The following LRRC4C variants were observed in gnomAD, a reference collection of about 807,000 sequenced individuals.
The protein encoded by LRRC4C is leucine rich repeat containing 4C.
A neutral mutation model predicts 33.6 loss-of-function variants in LRRC4C; 5 were observed. The observed-to-expected ratio is 0.15, with a 90% CI of 0.08 to 0.31. The LOEUF (loss-of-function observed/expected upper bound fraction) is 0.31, where lower values mean the gene tolerates loss of function less well. Among genes scored for constraint, LRRC4C ranks in the 10% least tolerant of loss-of-function variants. The pLI, the probability that LRRC4C is intolerant of heterozygous loss-of-function variation, is 1.00. For missense variants in LRRC4C, 560 were observed against 796.7 expected, an observed-to-expected ratio of 0.70 and a Z score of 3.58; for synonymous variants, 329 against 302.0, an observed-to-expected ratio of 1.09 and a Z score of -0.93.
intron 1 of LRRC4C, among the ~76,000 whole-genome samples, chr11:41,003,459 C>T (rs561590320): frequency 6.6e-6 from 1 of 152,204 alleles, no homozygotes; most frequent in Non-Finnish European, 1.5e-5. Flanking sequence ...ATGCTACATT[C>T]ACAGATACCT....
chr11:40,504,225 GATAA>G (rs1246690829), intron 3 of LRRC4C, among the ~76,000 whole-genome samples: 1 of 151,790 alleles, frequency 6.6e-6, no homozygotes, highest in African/African-American at 2.4e-5. Flanking sequence ...ACAATTAATG[GATAA>G]ATGAATGAAT....
chr11:40,574,480 G>A (rs1958104725), intron 3 of LRRC4C, among the ~76,000 whole-genome samples: 1 of 152,168 alleles, frequency 6.6e-6, no homozygotes, highest in African/African-American at 2.4e-5. Context: ...AGGGAGGGCA[G>A]AAATCAAGCC....
At position 40,314,169 on chromosome 11, in the gene LRRC4C, A is replaced by G. The variant is rs1945463666; in HGVS notation, c.-176+5459T>C. On this transcript the variant is annotated intron_variant, in intron 4 of 6. Coordinates refer to ENST00000528697, the MANE Select transcript of LRRC4C (RefSeq NM_001258419.2). ...AACATCCTGACAGCAAAAAATAAAA[A>G]ATAAATAAAAAACAGAAGACAAAAA... Among the ~76,000 whole-genome samples, 3 of 152,110 alleles carry G rather than the reference A, an allele frequency of 2.0e-5. No homozygotes were observed. In the South Asian group the frequency reaches 6.2e-4, roughly 31 times the overall value.
chr11:40,581,122 T>A (rs148694208), intron 3 of LRRC4C, among the ~76,000 whole-genome samples: 1 of 152,354 alleles, frequency 6.6e-6, no homozygotes, highest in Non-Finnish European at 1.5e-5. Flanking sequence ...ACCGTTATCT[T>A]TGGGGCATGA....
intron 1 of LRRC4C, among the ~76,000 whole-genome samples, chr11:41,116,476 G>A (rs528133423): frequency 6.6e-6 from 1 of 152,232 alleles, no homozygotes; most frequent in Admixed American, 6.5e-5. Flanking sequence ...CAGAGAAAGA[G>A]CAATTGAAGG....
chr11:40,184,452 T>C (rs1038990285), intron 5 of LRRC4C, among the ~76,000 whole-genome samples: 1 of 152,104 alleles, frequency 6.6e-6, no homozygotes, highest in African/African-American at 2.4e-5. Flanking sequence ...GGATTGATAA[T>C]AGAAGAAAAC....
At chr11:40,608,947 C>G (rs1591264515) in intron 3 of LRRC4C, among the ~76,000 whole-genome samples, 1 of 152,196 alleles carries the variant, frequency 6.6e-6, no homozygotes, top group East Asian at 1.9e-4. Context: ...ACGGAACTGA[C>G]AGGAGAAACA....
rs534713728 is a variant in LRRC4C, at chr11:40,991,307, C to A, written c.-495-57584G>T. Among the ~76,000 whole-genome samples the A allele has an allele frequency of 6.0e-5, 9 of 150,274 alleles. No individual in the cohort carries two copies. The South Asian group carries it at 1.7e-3, about 28-fold the overall frequency. ...TTTGTCAACATTTAAACCTGTATAA[C>A]TCAGTGAATCAATATTTTCCAAATG... On this transcript the variant is annotated intron_variant, in intron 1 of 6. Coordinates refer to ENST00000528697, the MANE Select transcript of LRRC4C (RefSeq NM_001258419.2).
chr11:40,610,645 T>C (rs1961122021), intron 3 of LRRC4C, among the ~76,000 whole-genome samples: 1 of 151,864 alleles, frequency 6.6e-6, no homozygotes, highest in Admixed American at 6.6e-5. Context: ...ACAAGACAAC[T>C]ATTAGAACTA....
intron 3 of LRRC4C, among the ~76,000 whole-genome samples, chr11:40,321,027 A>G (rs764048751): frequency 6.6e-6 from 1 of 152,208 alleles, no homozygotes; most frequent in Non-Finnish European, 1.5e-5. Flanking sequence ...TTTTATTTTT[A>G]ACTCAAAAGA....
intron 1 of LRRC4C, among the ~76,000 whole-genome samples, chr11:41,371,672 A>G (rs1952752256): frequency 6.6e-6 from 1 of 152,254 alleles, no homozygotes; most frequent in African/African-American, 2.4e-5. Context: ...TAAATTAAAA[A>G]GCATGTAGAG....
chr11:40,617,649 A>G (rs935844676), intron 3 of LRRC4C, among the ~76,000 whole-genome samples: 1 of 151,678 alleles, frequency 6.6e-6, no homozygotes, highest in African/African-American at 2.4e-5. Flanking sequence ...TGGAGAAATA[A>G]TTCCTTAAAT....
At chr11:41,275,729 T>C (rs1949463100) in intron 1 of LRRC4C, among the ~76,000 whole-genome samples, 1 of 152,210 alleles carries the variant, frequency 6.6e-6, no homozygotes, top group African/African-American at 2.4e-5. Context: ...GAATTGGGAA[T>C]GACATAGTCA....
chr11:41,030,508 AC>A (rs1856657168), intron 1 of LRRC4C, among the ~76,000 whole-genome samples: 1 of 151,744 alleles, frequency 6.6e-6, no homozygotes, highest in Non-Finnish European at 1.5e-5. Flanking sequence ...AACACCAGAG[AC>A]CTTGTGTAAA....
intron 3 of LRRC4C, among the ~76,000 whole-genome samples, chr11:40,602,474 C>T (rs867069080): frequency 1.3e-5 from 2 of 150,920 alleles, no homozygotes; most frequent in African/African-American, 4.9e-5. Context: ...TTTTTAGACA[C>T]ATAATAAATA....
At chr11:41,303,077 T>G (rs1950329718) in intron 1 of LRRC4C, among the ~76,000 whole-genome samples, 1 of 129,304 alleles carries the variant, frequency 7.7e-6, no homozygotes, top group Admixed American at 7.9e-5. Flanking sequence ...AATACTGCAT[T>G]AGTCCCTCTC....
intron 5 of LRRC4C, among the ~76,000 whole-genome samples, chr11:40,156,904 G>GA (rs1256534760): frequency 6.6e-6 from 1 of 151,894 alleles, no homozygotes; most frequent in South Asian, 2.1e-4. Flanking sequence ...TACAGAATTA[G>GA]AAAAAACAAT....
At chr11:40,634,896 A>G (rs889758009) in intron 3 of LRRC4C, among the ~76,000 whole-genome samples, 1 of 152,130 alleles carries the variant, frequency 6.6e-6, no homozygotes, top group Non-Finnish European at 1.5e-5. Flanking sequence ...TCTGTGAAAA[A>G]AGAAAAAAGG....
At chr11:40,950,679 A>G (rs1177392239) in intron 1 of LRRC4C, among the ~76,000 whole-genome samples, 1 of 152,086 alleles carries the variant, frequency 6.6e-6, no homozygotes, top group East Asian at 1.9e-4. Context: ...ACAAAAATGT[A>G]TAAATAACAA....
Sources: allele counts gnomAD v4.1 joint callset (sites outside exome capture counted in the v4.1 genomes callset), GRCh38; gene constraint gnomAD v4.1.1; transcripts MANE v1.5; gene names NCBI Gene and HGNC (gene_info 2026-07-23, HGNC 2026-07-21).